The following SLC46A1 variants were observed in gnomAD, a reference collection of about 807,000 sequenced individuals.
The protein encoded by SLC46A1 is proton-coupled folate transporter.
Under a neutral mutation model 32.1 loss-of-function variants are expected in SLC46A1, and 17 were observed. The ratio of observed to expected loss-of-function variants is 0.53; its 90% CI spans 0.36 to 0.79. The LOEUF (loss-of-function observed/expected upper bound fraction) is 0.79, where lower values mean the gene tolerates loss of function less well. SLC46A1 is among the 30% of genes least tolerant of loss of function. SLC46A1 has a pLI of 0.00. For missense variants in SLC46A1, 517 were observed against 588.2 expected (o/e 0.88, Z 1.25); for synonymous variants, 240 against 262.7 (o/e 0.91, Z 0.84).
Position 28,399,362 on chromosome 17 carries a change from G to T in SLC46A1, c.*294C>A. 2.4e-6 allele frequency: 1 copy of T among 410,188 alleles called. No individual in the cohort carries two copies. Among genetic ancestry groups the T allele is most frequent in the Non-Finnish European group, 4.5e-6 (1 of 221,774 alleles). 25.4% of individuals were successfully genotyped at this position (410,188 alleles called of 1,614,324 possible). ...CTCAGGACCTCTCCTCTGGCCTGTGGGGTTATAAGTGATGGATAGCAGAAA... is the reference window on the plus strand; with the variant it reads ...CTCAGGACCTCTCCTCTGGCCTGTGTGGTTATAAGTGATGGATAGCAGAAA... On this transcript the variant is annotated 3_prime_UTR_variant, in exon 5 of 5. Coordinates refer to ENST00000612814, the MANE Select transcript of SLC46A1 (RefSeq NM_080669.6).
At chr17:28,401,508 A>G (rs781866539) in intron 3 of SLC46A1, 1 of 152,402 alleles carries the variant, frequency 6.6e-6, no homozygotes, top group Non-Finnish European at 1.5e-5. Flanking sequence ...AAAAAGATGA[A>G]TGTTTCCAGA....
rs41297079 is a variant in SLC46A1 at position 28,405,662 on chromosome 17, T to C, written c.229-194A>G. 1.4e-3 allele frequency: 1,348 copies of C among 968,652 alleles called. 9 individuals are homozygous for C. In the African/African-American group the frequency reaches 0.019, roughly 13 times the overall value. The allele number at this position is 968,652 out of a possible 1,614,324, so 60.0% of individuals were successfully genotyped here. A position where few individuals can be genotyped will look rare whatever the true frequency, so the allele number is the denominator to read the frequency against. ...GACCAAGGCCCCATTCCCTTTCCTT[T>C]CCCCCCCCTTTTGTTAACCTGCAAG... On this transcript the variant is annotated intron_variant, in intron 1 of 4. Coordinates refer to ENST00000612814, the MANE Select transcript of SLC46A1 (RefSeq NM_080669.6).
chr17:28,404,303 G>A (rs2142463683), intron 2 of SLC46A1: 2 of 401,192 alleles, frequency 5.0e-6, no homozygotes, highest in Middle Eastern at 7.3e-4. Flanking sequence ...ATATGAATAG[G>A]CGGTGGGAGG....
rs782616115 is a variant in SLC46A1, at chr17:28,405,476, G to C, written c.229-8C>G. On this transcript the variant is annotated splice_polypyrimidine_tract_variant and splice_region_variant and intron_variant, in intron 1 of 4. Transcript: ENST00000612814. ...GGTAAGGGTCTCCACTTCCTGTAGG[G>C]GCACAATGACCAGGGTGCGGTTCCT... 1 of 1,596,538 alleles carries C rather than the reference G, an allele frequency of 6.3e-7. No individual in the cohort carries two copies. Among genetic ancestry groups the C allele is most frequent in the Admixed American group, 1.7e-5 (1 of 58,056 alleles).
intron 3 of SLC46A1, chr17:28,400,995 A>G (rs2068191045): frequency 3.6e-6 from 2 of 549,168 alleles, no homozygotes; most frequent in Non-Finnish European, 6.6e-6. Flanking sequence ...TTAAATCCAC[A>G]TTAAAAGTAC....
At chr17:28,404,398 G>A (rs2068230048) in intron 2 of SLC46A1, 1 of 614,462 alleles carries the variant, frequency 1.6e-6, no homozygotes, top group Non-Finnish European at 2.9e-6. Context: ...GATAACAGTG[G>A]GTTAATTACT....
At chr17:28,401,097 T>C (rs1341191808) in intron 3 of SLC46A1, 1 of 362,130 alleles carries the variant, frequency 2.8e-6, no homozygotes, top group African/African-American at 2.1e-5. Context: ...TTTTTTCTGG[T>C]TTATCCTCTT....
rs1192759713 is a variant in SLC46A1 at position 28,397,064 on chromosome 17, T to C, written c.*2592A>G. ...CCCACCCTACCCCATGCCTTGGTGCTGTGCCTCAGGCTCCTTCCTGGTCTG... is the reference window on the plus strand; with the variant it reads ...CCCACCCTACCCCATGCCTTGGTGCCGTGCCTCAGGCTCCTTCCTGGTCTG... On this transcript the variant is annotated 3_prime_UTR_variant, in exon 5 of 5. Transcript: ENST00000612814. 2 of 152,752 alleles carry C rather than the reference T, an allele frequency of 1.3e-5. No individual in the cohort carries two copies. Among genetic ancestry groups the C allele is most frequent in the Non-Finnish European group, 2.9e-5 (2 of 68,196 alleles). The allele number at this position is 152,752 out of a possible 1,614,324, so 9.5% of individuals were successfully genotyped here. A position where few individuals can be genotyped will look rare whatever the true frequency, so the allele number is the denominator to read the frequency against.
chr17:28,405,665 C>T, intron 1 of SLC46A1, 197 bp from the exon 2 acceptor site: 3 of 980,320 alleles, frequency 3.1e-6, no homozygotes, highest in African/African-American at 1.6e-5. Context: ...TTTCCTTTCC[C>T]CCCCCTTTTG....
Position 28,399,085 on chromosome 17 carries a change from G to C in SLC46A1, c.*571C>G, listed in dbSNP as rs1555588874. On this transcript the variant is annotated 3_prime_UTR_variant, in exon 5 of 5. Transcript: ENST00000612814. Reference sequence around the variant, plus strand: ...TGATTGGCACTCTTCAGCCAGGGGAGTGGGTAGGCCATAGCCAAGGATCGA... The same window carrying C: ...TGATTGGCACTCTTCAGCCAGGGGACTGGGTAGGCCATAGCCAAGGATCGA... 1 of 152,944 alleles carries C rather than the reference G, an allele frequency of 6.5e-6. No homozygotes were observed. Among genetic ancestry groups the C allele is most frequent in the Non-Finnish European group, 1.5e-5 (1 of 68,486 alleles). The allele number at this position is 152,944 out of a possible 1,614,324, so 9.5% of individuals were successfully genotyped here. A position where few individuals can be genotyped will look rare whatever the true frequency, so the allele number is the denominator to read the frequency against.
At position 28,405,252 on chromosome 17, in the gene SLC46A1, T is replaced by C; in HGVS notation, c.445A>G (p.Ile149Val). Reference sequence around the variant, plus strand: ...AAGTCGCCGAGGAGGGCACAAAGGATGCGACCCAGCACGAAGTAGCCGACG... The same window carrying C: ...AAGTCGCCGAGGAGGGCACAAAGGACGCGACCCAGCACGAAGTAGCCGACG... Reference protein sequence around the residue: ...LHVGYFVLGRILCALLGDFGG... With the variant: ...LHVGYFVLGRVLCALLGDFGG... The change falls in exon 2 of 5, where the codon ATC becomes GTC. Residue 149 changes from isoleucine (I) to valine (V), a missense_variant. By Grantham distance (29) the Ile-to-Val change is conservative (BLOSUM62 3). Coordinates refer to ENST00000612814, the MANE Select transcript of SLC46A1 (RefSeq NM_080669.6). The C allele has an allele frequency of 6.3e-7, 1 of 1,587,596 alleles. No individual in the cohort carries two copies. Among genetic ancestry groups the C allele is most frequent in the Non-Finnish European group, 8.6e-7 (1 of 1,167,614 alleles).
Position 28,405,086 on chromosome 17 carries a change from C to G in SLC46A1, c.611G>C (p.Arg204Pro), listed in dbSNP as rs1555590712. 2 of 1,613,786 alleles carry G rather than the reference C, an allele frequency of 1.2e-6. No homozygotes were observed. Among genetic ancestry groups the G allele is most frequent in the African/African-American group, 2.7e-5 (2 of 74,920 alleles). Residue 204 changes from arginine to proline, a missense_variant, in exon 2 of 5, where the codon CGG becomes CCG. Transcript: ENST00000612814. ...GAAGGGGTTGGCATAACCCTGGGCC[C>G]GGAGCCAGTGGCCCCCGAGGAGGCT... Reference protein sequence around the residue: ...LASLLGGHWLRAQGYANPFWL... With the variant: ...LASLLGGHWLPAQGYANPFWL...
chr17:28,400,247 CCTGTGGCCCAGCCACAA>C (rs2068179486), intron 4 of SLC46A1: 1 of 285,708 alleles, frequency 3.5e-6, no homozygotes, highest in Non-Finnish European at 6.7e-6. Context: ...GTCAAGCTAG[CCTGTGGCCCAGCCACAA>C]CTAGCTGACA....
At chr17:28,405,776 C>T in intron 1 of SLC46A1, 111 bp downstream of exon 1, 1 of 1,243,572 alleles carries the variant, frequency 8.0e-7, no homozygotes, top group Non-Finnish European at 1.1e-6. Flanking sequence ...ATCCAAAATG[C>T]ACCCTCCCTC....
intron 4 of SLC46A1, 200 bp from the exon 5 acceptor site, chr17:28,399,913 A>C (rs2068175837): frequency 1.7e-6 from 1 of 576,364 alleles, no homozygotes; most frequent in Non-Finnish European, 3.1e-6. Context: ...TTTTTTTAAG[A>C]GACAGGGTCT....
At chr17:28,403,059 C>T (rs2142460978) in intron 2 of SLC46A1, 1 of 152,398 alleles carries the variant, frequency 6.6e-6, no homozygotes, top group East Asian at 1.9e-4. Context: ...CGCCCCAAGC[C>T]AAGGAATGCC....
intron 2 of SLC46A1, 106 bp from the exon 3 acceptor site, chr17:28,402,427 AC>A: frequency 1.1e-6 from 1 of 897,520 alleles, no homozygotes; most frequent in Non-Finnish European, 1.7e-6. Flanking sequence ...CTTAGGTTAG[AC>A]CCAGGAAGAA....
rs782161667 is a variant in SLC46A1 at position 28,399,686 on chromosome 17, G to A, written c.1350C>T (p.Leu450=). Residue 450 remains leucine, a synonymous_variant, in exon 5 of 5, where the codon CTC becomes CTT. Transcript: ENST00000612814. ...IGMLEKADPH[L]EFQQFPQSP ...GGCTCTGGGGAAACTGCTGGAACTC[G>A]AGGTGAGGATCAGCCTTTTCCAGCA... 7.4e-6 allele frequency: 12 copies of A among 1,613,980 alleles called. No homozygotes were observed. The highest frequency in any genetic ancestry group is 1.7e-5 in the Admixed American group (1 of 60,010).
At position 28,399,170 on chromosome 17, in the gene SLC46A1, T is replaced by C; in HGVS notation, c.*486A>G. ...CAGAGATCACCAAGCCCCTCTTACC[T>C]CCCTCCCTCCTTCCCAAGGCTGGCA... On this transcript the variant is annotated 3_prime_UTR_variant, in exon 5 of 5. Transcript: ENST00000612814. The C allele has an allele frequency of 6.3e-6, 1 of 159,514 alleles. No homozygotes were observed. Among genetic ancestry groups the C allele is most frequent in the Non-Finnish European group, 1.4e-5 (1 of 72,174 alleles). 9.9% of individuals were successfully genotyped at this position (159,514 alleles called of 1,614,324 possible). A position where few individuals can be genotyped will look rare whatever the true frequency, so the allele number is the denominator to read the frequency against.
Sources: allele counts gnomAD v4.1 joint callset, GRCh38; gene constraint gnomAD v4.1.1; transcripts MANE v1.5; gene names NCBI Gene and HGNC (gene_info 2026-07-23, HGNC 2026-07-21).